Variants in GLG1 observed in about 807,000 individuals in gnomAD.
GLG1 encodes Golgi apparatus protein 1.
Under a neutral mutation model 160.5 loss-of-function variants are expected in GLG1, and 38 were observed. That is an observed-to-expected ratio of 0.24 (90% CI 0.18 to 0.31). The LOEUF (loss-of-function observed/expected upper bound fraction) is 0.31. GLG1 is among the 10% of genes least tolerant of loss of function. GLG1 has a pLI of 1.00. For missense variants in GLG1, 1,373 were observed against 1,505.2 expected, an observed-to-expected ratio of 0.91 and a Z score of 1.45; for synonymous variants, 644 against 543.4, an observed-to-expected ratio of 1.19 and a Z score of -2.57.
intron 2 of GLG1, among the ~76,000 whole-genome samples, chr16:74,528,097 G>A (rs2017399208): frequency 6.6e-6 from 1 of 151,944 alleles, no homozygotes; most frequent in South Asian, 2.1e-4. Context: ...GTGTTAGCCA[G>A]GATGGTCTCG....
At chr16:74,584,283 C>G (rs192082789) in intron 1 of GLG1, among the ~76,000 whole-genome samples, 1 of 152,164 alleles carries the variant, frequency 6.6e-6, no homozygotes, top group South Asian at 2.1e-4. Flanking sequence ...TGCACGGCTT[C>G]GAAAAACATT....
chr16:74,482,541 G>C (rs1470148269), intron 10 of GLG1, among the ~76,000 whole-genome samples: 1 of 151,828 alleles, frequency 6.6e-6, no homozygotes, highest in Non-Finnish European at 1.5e-5. Context: ...TTTGTTAACA[G>C]AATGAGAGGG....
At chr16:74,463,213 G>A (rs745402957) in intron 20 of GLG1, 143 bp downstream of exon 20, 10 of 739,610 alleles carry the variant, frequency 1.4e-5, no homozygotes, top group African/African-American at 3.5e-5. Context: ...CTCCTCAAAG[G>A]AGGAAGGCCC....
chr16:74,569,413 T>C (rs1183395730), intron 1 of GLG1, among the ~76,000 whole-genome samples: 1 of 152,206 alleles, frequency 6.6e-6, no homozygotes, highest in Non-Finnish European at 1.5e-5. Flanking sequence ...TGAAGGTATA[T>C]ATACCTGAAC....
Position 74,447,477 on chromosome 16 carries a change from T to C in GLG1, c.*5690A>G, listed in dbSNP as rs932621947. On this transcript the variant is annotated 3_prime_UTR_variant, in exon 26 of 26. Transcript: ENST00000422840. ...CTTTATTAAATTCTCCCATTTCATC[T>C]GTACAGAAAAAAATGCACATTATGT... The C allele has an allele frequency of 6.6e-6, 1 of 152,194 alleles. No individual in the cohort carries two copies. The highest frequency in any genetic ancestry group is 1.5e-5 in the Non-Finnish European group (1 of 68,046). 9.4% of individuals were successfully genotyped at this position (152,194 alleles called of 1,614,324 possible). A position where few individuals can be genotyped will look rare whatever the true frequency, so the allele number is the denominator to read the frequency against.
At chr16:74,544,433 G>C (rs565000458) in intron 1 of GLG1, among the ~76,000 whole-genome samples, 2 of 152,040 alleles carry the variant, frequency 1.3e-5, no homozygotes, top group South Asian at 2.1e-4. Context: ...CCTGCTTCGT[G>C]TGAGAATCTC....
intron 6 of GLG1, among the ~76,000 whole-genome samples, chr16:74,494,291 C>T (rs1048345063): frequency 2.0e-4 from 31 of 152,062 alleles, no homozygotes; most frequent in South Asian, 8.3e-4. Context: ...TTGGTTTCAG[C>T]CAAATATGCT....
At chr16:74,502,246 G>T (rs573334640) in intron 4 of GLG1, among the ~76,000 whole-genome samples, 108 of 152,262 alleles carry the variant, frequency 7.1e-4, no homozygotes, top group African/African-American at 2.5e-3. Flanking sequence ...CTTTTCAGGA[G>T]TTTTTTTCAT....
chr16:74,453,898 A>C, intron 25 of GLG1, among the ~76,000 whole-genome samples: 1 of 148,832 alleles, frequency 6.7e-6, no homozygotes, highest in African/African-American at 2.5e-5. Context: ...TTTTTGAGAC[A>C]AAGTCTTACT....
In GLG1 at chr16:74,494,359, G is replaced by A. The variant is rs146916091; in HGVS notation, c.1050+401C>T. On this transcript the variant is annotated intron_variant, in intron 6 of 25. Coordinates refer to ENST00000422840, the MANE Select transcript of GLG1 (RefSeq NM_001145667.2). ...GAGCTTTATCAGTCATTTACGTTTC[G>A]GTATAAGATTATAAGAAATATTGTT... Among the ~76,000 whole-genome samples, 29 of 150,304 alleles carry A rather than the reference G, an allele frequency of 1.9e-4. No individual in the cohort carries two copies. The East Asian group carries it at 3.5e-3, about 18-fold the overall frequency.
At position 74,472,370 on chromosome 16, in the gene GLG1, G is replaced by C; in HGVS notation, c.2094C>G (p.Pro698=). 2 of 1,611,694 alleles carry C rather than the reference G, an allele frequency of 1.2e-6. No individual in the cohort carries two copies. Among genetic ancestry groups the C allele is most frequent in the Non-Finnish European group, 1.7e-6 (2 of 1,177,866 alleles). ...TTACGTGGCAGAAGTTCTGAATTAT[G>C]GGCTCACAGGCTCTCATCAGCAAGG... is the stretch of plus-strand genomic sequence containing the variant. ...IEALLMRACE[P]IIQNFCHDVA... is the part of the protein sequence containing the mutation. The change falls in exon 14 of 26, where the codon CCC becomes CCG. Residue 698 remains proline (P), a synonymous_variant. Transcript: ENST00000422840.
At chr16:74,494,956 G>C in intron 5 of GLG1, 125 bp from the exon 6 acceptor site, 1 of 479,506 alleles carries the variant, frequency 2.1e-6, no homozygotes, top group Non-Finnish European at 3.8e-6. Flanking sequence ...GACAAACAGC[G>C]CTTCCATTTA....
chr16:74,486,858 C>T (rs566602837), intron 8 of GLG1, among the ~76,000 whole-genome samples: 2 of 151,992 alleles, frequency 1.3e-5, no homozygotes, highest in South Asian at 4.2e-4. Context: ...ATTTTACAGA[C>T]ATGAAAGATG....
intron 2 of GLG1, among the ~76,000 whole-genome samples, chr16:74,517,538 T>TG (rs2017016933): frequency 6.6e-6 from 1 of 152,144 alleles, no homozygotes; most frequent in Admixed American, 6.5e-5. Context: ...TCGGTATCGA[T>TG]GGAACATATC....
intron 9 of GLG1, 131 bp from the exon 10 acceptor site, chr16:74,483,255 GAA>G (rs1376486840): frequency 2.7e-5 from 17 of 626,482 alleles, no homozygotes; most frequent in Non-Finnish European, 4.5e-5. Flanking sequence ...ATTTTTCTAA[GAA>G]TCACTCAAAT....
At chr16:74,469,118 G>C in intron 16 of GLG1, 55 bp from the exon 17 acceptor site, 1 of 1,162,456 alleles carries the variant, frequency 8.6e-7, no homozygotes, top group Non-Finnish European at 1.3e-6. Flanking sequence ...CAGATGGCCT[G>C]AGAGCTGGGC....
rs1301400383 is a variant in GLG1 at position 74,468,987 on chromosome 16, G to A, written c.2395C>T (p.Leu799=). The A allele has an allele frequency of 6.2e-7, 1 of 1,613,616 alleles. No homozygotes were observed. Among genetic ancestry groups the A allele is most frequent in the South Asian group, 1.1e-5 (1 of 91,074 alleles). ...ACACGGAGCTGCCTGCGGCACTTCA[G>A]GGACACCCTGTGCTCCTTGGCTTCC... ...LQEAKEHRVS[L]KCRRQLRVEE... The change falls in exon 17 of 26, where the codon CTG becomes TTG. Residue 799 remains leucine, a synonymous_variant. Coordinates refer to ENST00000422840, the MANE Select transcript of GLG1 (RefSeq NM_001145667.2).
chr16:74,482,054 C>T (rs1597249804), intron 10 of GLG1, among the ~76,000 whole-genome samples: 2 of 152,244 alleles, frequency 1.3e-5, no homozygotes, highest in East Asian at 1.9e-4. Flanking sequence ...TCCCAAAGTG[C>T]TGGGATTACA....
chr16:74,544,477 A>C (rs2017989072), intron 1 of GLG1, among the ~76,000 whole-genome samples: 1 of 151,966 alleles, frequency 6.6e-6, no homozygotes, highest in Non-Finnish European at 1.5e-5. Flanking sequence ...TGTGCCACCA[A>C]GCCTGGCTAA....
Sources: allele counts gnomAD v4.1 joint callset (sites outside exome capture counted in the v4.1 genomes callset), GRCh38; gene constraint gnomAD v4.1.1; transcripts MANE v1.5; gene names NCBI Gene and HGNC (gene_info 2026-07-23, HGNC 2026-07-21).